TKTL1: variants seen among roughly 807,000 people sequenced by gnomAD.
TKTL1 encodes the protein transketolase-like protein 1.
A neutral mutation model predicts 39.3 loss-of-function variants in TKTL1; 1 was observed. The ratio of observed to expected loss-of-function variants is 0.03; its 90% CI spans 0.01 to 0.12. The LOEUF is 0.12. Among genes scored for constraint, TKTL1 ranks in the 10% least tolerant of loss-of-function variants. TKTL1 has a pLI of 1.00. For missense variants in TKTL1, 575 were observed against 509.6 expected, an observed-to-expected ratio of 1.13 and a Z score of -1.24; for synonymous variants, 262 against 193.8, an observed-to-expected ratio of 1.35 and a Z score of -2.92.
In TKTL1 at chrX:154,317,224, A is replaced by G. The variant is rs1405094105; in HGVS notation, c.1029+1887A>G. Reference sequence around the variant, plus strand: ...CCTGCTGATATGTTCTCACAGTTGGAAAAAAGTTGTAAAGAAAAGGCGAGC... The same window carrying G: ...CCTGCTGATATGTTCTCACAGTTGGGAAAAAGTTGTAAAGAAAAGGCGAGC... On this transcript the variant is annotated intron_variant, in intron 7 of 12. Transcript: ENST00000369915. Among the ~76,000 whole-genome samples the G allele has an allele frequency of 2.7e-5, 3 of 112,206 alleles. No homozygotes were observed. The Admixed American group carries it at 2.8e-4, about 11-fold the overall frequency.
intron 7 of TKTL1, among the ~76,000 whole-genome samples, chrX:154,318,421 C>T (rs1454539499): frequency 9.2e-6 from 1 of 108,794 alleles, no homozygotes; most frequent in Non-Finnish European, 1.9e-5. Flanking sequence ...GAGACCAGGC[C>T]GGGTGCGGTG....
At chrX:154,320,218 A>G (rs1557170292) in intron 7 of TKTL1, 1 of 113,763 alleles carries the variant, frequency 8.8e-6, no homozygotes, top group African/African-American at 3.2e-5. Context: ...GCCTAGATGA[A>G]GTAGGCTGGG....
rs782538169 is a variant in TKTL1, at chrX:154,295,963, C to G, written c.104C>G (p.Ser35Cys). The G allele has an allele frequency of 1.7e-6, 2 of 1,210,361 alleles. No individual in the cohort carries two copies. Among genetic ancestry groups the G allele is most frequent in the East Asian group, 3.0e-5 (1 of 33,753 alleles). Residue 35 changes from serine (S) to cysteine (C), a missense_variant, in exon 1 of 13, where the codon TCC becomes TGC. Ser to Cys is a moderately radical substitution (Grantham distance 112). Transcript: ENST00000369915. ...ATGGCCAGCCGCTTGCGAATCCATT[C>G]CATCAGGGCCACATGCTCCACGAGC... ...QDMASRLRIH[S>C]IRATCSTSSG...
At chrX:154,297,955 C>T (rs1465160609) in intron 1 of TKTL1, among the ~76,000 whole-genome samples, 1 of 111,399 alleles carries the variant, frequency 9.0e-6, no homozygotes, top group South Asian at 3.7e-4. Context: ...GTTAATTTTT[C>T]TTTAAATGTT....
intron 6 of TKTL1, 105 bp from the exon 7 acceptor site, chrX:154,315,068 A>T (rs1330446539): frequency 1.6e-5 from 14 of 901,271 alleles, no homozygotes; most frequent in Non-Finnish European, 2.1e-5. Context: ...TTTCTTCAAG[A>T]TAGATGATAA....
intron 10 of TKTL1, among the ~76,000 whole-genome samples, chrX:154,326,276 G>GC (rs2067492915): frequency 8.9e-6 from 1 of 112,011 alleles, no homozygotes; most frequent in African/African-American, 3.2e-5. Context: ...TGCTCAGCCT[G>GC]CCTGTCAGGG....
At chrX:154,309,039 C>G (rs182440118) in intron 2 of TKTL1, among the ~76,000 whole-genome samples, 140 of 111,157 alleles carry the variant, frequency 1.3e-3, no homozygotes, top group African/African-American at 4.4e-3. Flanking sequence ...GCCACCCTTG[C>G]CATACTGTAT....
In TKTL1 at chrX:154,305,499, A is replaced by G. The variant is rs2067308406; in HGVS notation, c.252+78A>G. ...TTTGAACAGCCACCGTGTGGGAACA[A>G]GGCCTGAAATGGGCCTCGTTTATTA... On this transcript the variant is annotated intron_variant, in intron 2 of 12. Coordinates refer to ENST00000369915, the MANE Select transcript of TKTL1 (RefSeq NM_012253.4). 2.7e-6 allele frequency: 3 copies of G among 1,105,711 alleles called. No homozygotes were observed. The Admixed American group carries it at 7.3e-5, about 27-fold the overall frequency. The allele number at this position is 1,105,711 out of a possible 1,213,427, so 91.1% of individuals were successfully genotyped here.
At chrX:154,324,630 G>A (rs781925547) in intron 9 of TKTL1, among the ~76,000 whole-genome samples, 2 of 111,541 alleles carry the variant, frequency 1.8e-5, no homozygotes, top group Non-Finnish European at 3.8e-5. Context: ...TGGCGGAAGC[G>A]CTGCTGGGCT....
At position 154,303,534 on chromosome X, in the gene TKTL1, C is replaced by T. The variant is rs1460291514; in HGVS notation, c.135-1770C>T. On this transcript the variant is annotated intron_variant, in intron 1 of 12. Transcript: ENST00000369915. ...GTGTGAGCCCCCACGCCTGGCCTCT[C>T]CCTCCTTTTTATCATTCCCTCTTCC... 3.5e-4 allele frequency among the ~76,000 whole-genome samples: 37 copies of T among 104,722 alleles called. 1 individual carries two copies. The highest frequency in any genetic ancestry group is 1.3e-3 in the African/African-American group (36 of 28,584). 90.9% of individuals were successfully genotyped at this position (104,722 alleles called of 115,157 possible).
intron 1 of TKTL1, 156 bp from the exon 2 acceptor site, chrX:154,305,148 G>A (rs781907441): frequency 2.5e-6 from 3 of 1,177,225 alleles, no homozygotes; most frequent in Non-Finnish European, 2.3e-6. Context: ...GCTTTAAAGC[G>A]CCCTTCCAAC....
rs943433647 is a variant in TKTL1, at chrX:154,319,079, T to A, written c.1030-1678T>A. Among the ~76,000 whole-genome samples, 3 of 111,541 alleles carry A rather than the reference T, an allele frequency of 2.7e-5. No homozygotes were observed. The Admixed American group carries it at 2.9e-4, about 11-fold the overall frequency. On this transcript the variant is annotated intron_variant, in intron 7 of 12. Coordinates refer to ENST00000369915, the MANE Select transcript of TKTL1 (RefSeq NM_012253.4). ...ACTTGTAGTTTGAATGTGATAGCAT[T>A]GAGAACAGATTCTATTCCTGTTTTT...
intron 10 of TKTL1, 137 bp from the exon 11 acceptor site, chrX:154,327,454 T>C (rs781890103): frequency 1.6e-6 from 1 of 606,774 alleles, no homozygotes; most frequent in East Asian, 3.2e-5. Context: ...TAAATGCATC[T>C]GATTTTTTTA....
intron 5 of TKTL1, among the ~76,000 whole-genome samples, chrX:154,312,002 A>AG (rs1477720981): frequency 6.3e-5 from 7 of 110,239 alleles, no homozygotes; most frequent in African/African-American, 1.0e-4. Context: ...CCAAAGTTCC[A>AG]GCTGGCCTCC....
intron 1 of TKTL1, among the ~76,000 whole-genome samples, chrX:154,303,378 A>AT (rs2067289796): frequency 4.8e-5 from 3 of 62,416 alleles, no homozygotes. Flanking sequence ...CTGCCCAGCT[A>AT]ATTTTTTTTT....
At chrX:154,315,365 C>A (rs371943146) in intron 7 of TKTL1, 28 bp downstream of exon 7, 3 of 1,170,374 alleles carry the variant, frequency 2.6e-6, no homozygotes, top group Admixed American at 2.3e-5. Flanking sequence ...CTCAGGGCTT[C>A]TTAGAATCAA....
In TKTL1 at chrX:154,322,554, T is replaced by TA. The variant is rs1206562829; in HGVS notation, c.1187-646dup. On this transcript the variant is annotated intron_variant, in intron 8 of 12. Transcript: ENST00000369915. ...TCAAAATAATAATAGTTAATTTTTT[T>TA]AAAAAAAGAGCTGGGCTGTTGAGGT... 9.0e-5 allele frequency among the ~76,000 whole-genome samples: 10 copies of TA among 110,952 alleles called. No homozygotes were observed. In the East Asian group the frequency reaches 1.4e-3, roughly 16 times the overall value.
At chrX:154,312,436 C>T in intron 5 of TKTL1, 144 bp from the exon 6 acceptor site, 2 of 536,742 alleles carry the variant, frequency 3.7e-6, no homozygotes, top group Non-Finnish European at 2.9e-6. Flanking sequence ...CTGGCTGCAG[C>T]AGCGTCCCAG....
At chrX:154,318,759 G>GT (rs2067424915) in intron 7 of TKTL1, among the ~76,000 whole-genome samples, 1 of 99,139 alleles carries the variant, frequency 1.0e-5, no homozygotes, top group Admixed American at 1.1e-4. Context: ...AACATAGTGA[G>GT]ACCTGGTCTG....
Sources: allele counts gnomAD v4.1 joint callset (sites outside exome capture counted in the v4.1 genomes callset), GRCh38; gene constraint gnomAD v4.1.1; transcripts MANE v1.5; gene names NCBI Gene and HGNC (gene_info 2026-07-23, HGNC 2026-07-21).